The following IPO11 variants were observed in gnomAD, a reference collection of about 807,000 sequenced individuals.
The protein encoded by IPO11 is importin 11, also known as importin-11.
In IPO11, 66 loss-of-function variants were observed where a neutral mutation model predicts 143.2. The observed-to-expected ratio is 0.46, with a 90% confidence interval of 0.38 to 0.57. The LOEUF (loss-of-function observed/expected upper bound fraction) is 0.57, where lower values mean the gene tolerates loss of function less well. Among genes scored for constraint, IPO11 ranks in the 20% least tolerant of loss-of-function variants. The pLI is 0.00. For missense variants in IPO11, 1,026 were observed against 1,141.0 expected, an observed-to-expected ratio of 0.90 and a Z score of 1.45; for synonymous variants, 385 against 377.8, an observed-to-expected ratio of 1.02 and a Z score of -0.22.
At chr5:62,578,736 C>A (rs1354439593) in intron 27 of IPO11, 1 of 466,960 alleles carries the variant, frequency 2.1e-6, no homozygotes, top group Non-Finnish European at 4.4e-6. Context: ...CTGTTTTACA[C>A]ATTGACTGTA....
intron 24 of IPO11, among the ~76,000 whole-genome samples, chr5:62,542,966 A>G (rs1302562383): frequency 1.3e-5 from 2 of 152,206 alleles, no homozygotes; most frequent in Non-Finnish European, 2.9e-5. Context: ...CATTTAACAT[A>G]TGCTACATAT....
intron 20 of IPO11, among the ~76,000 whole-genome samples, chr5:62,521,643 G>A (rs995864811): frequency 3.3e-5 from 5 of 151,620 alleles, no homozygotes; most frequent in African/African-American, 7.3e-5. Context: ...CTTCCTCTTC[G>A]TATTTTTCTT....
At chr5:62,570,806 T>TAAA (rs1744108412) in intron 27 of IPO11, among the ~76,000 whole-genome samples, 1 of 152,230 alleles carries the variant, frequency 6.6e-6, no homozygotes, top group African/African-American at 2.4e-5. Flanking sequence ...TGCGCTTAGC[T>TAAA]AATCACTGAC....
intron 27 of IPO11, chr5:62,581,411 T>C (rs976693191): frequency 6.8e-6 from 6 of 888,110 alleles, no homozygotes; most frequent in African/African-American, 1.7e-5. Flanking sequence ...TAATGAATTA[T>C]ATGAGGTTAG....
In IPO11 at chr5:62,550,456, A is replaced by T. The variant is rs1319381696; in HGVS notation, c.2340A>T (p.Glu780Asp). ...ILPYVFKGIIEGERYPVVMST... is the reference protein window; with the variant it reads ...ILPYVFKGIIDGERYPVVMST... ...CCTATGTTTTCAAGGGTATTATAGAAGGGGAGGTAAGATTTTTCTTTAAGT... is the reference window on the plus strand; with the variant it reads ...CCTATGTTTTCAAGGGTATTATAGATGGGGAGGTAAGATTTTTCTTTAAGT... The change falls in exon 25 of 30, where the codon GAA becomes GAT. Residue 780 changes from glutamate to aspartate, a missense_variant. Physicochemically the swap from Glu to Asp is conservative, Grantham distance 45 (BLOSUM62 2). Coordinates refer to ENST00000325324, the MANE Select transcript of IPO11 (RefSeq NM_016338.5). 2 of 1,604,544 alleles carry T rather than the reference A, an allele frequency of 1.2e-6. No individual in the cohort carries two copies. The highest frequency in any genetic ancestry group is 1.7e-4 in the Middle Eastern group (1 of 5,862).
chr5:62,580,255 A>T, intron 27 of IPO11: 1 of 1,544,916 alleles, frequency 6.5e-7, no homozygotes, highest in East Asian at 2.4e-5. Context: ...GGATGGGTTT[A>T]GTGGAATTAA....
intron 26 of IPO11, among the ~76,000 whole-genome samples, chr5:62,551,985 G>A (rs13183063): frequency 1.3e-5 from 2 of 152,084 alleles, no homozygotes; most frequent in South Asian, 2.1e-4. Context: ...TTAGCCCGGC[G>A]CGGTTGCGGG....
At chr5:62,517,938 A>T (rs374196094) in intron 20 of IPO11, among the ~76,000 whole-genome samples, 4 of 152,184 alleles carry the variant, frequency 2.6e-5, no homozygotes, top group African/African-American at 9.7e-5. Flanking sequence ...TGGAGAAAGC[A>T]TATAACATAA....
At chr5:62,580,851 C>T in intron 27 of IPO11, 2 of 1,551,312 alleles carry the variant, frequency 1.3e-6, no homozygotes, top group Non-Finnish European at 1.7e-6. Context: ...AAGAGAATGC[C>T]TTTGGTAATC....
chr5:62,504,591 T>C, intron 16 of IPO11, 76 bp from the exon 17 acceptor site: 1 of 823,604 alleles, frequency 1.2e-6, no homozygotes, highest in Admixed American at 2.9e-5. Context: ...TGATTTGGAA[T>C]AAAATTTTTT....
chr5:62,437,279 C>T lies in IPO11; in HGVS notation c.-1C>T. ...TGTTAACTTATCATTGCCAGGTTTC[C>T]ATGGATCTCAATAGTGCCAGCACTG... On this transcript the variant is annotated 5_prime_UTR_variant, in exon 2 of 30. Coordinates refer to ENST00000325324, the MANE Select transcript of IPO11 (RefSeq NM_016338.5). 6.3e-7 allele frequency: 1 copy of T among 1,586,572 alleles called. No homozygotes were observed. Among genetic ancestry groups the T allele is most frequent in the Non-Finnish European group, 8.6e-7 (1 of 1,167,622 alleles).
intron 29 of IPO11, among the ~76,000 whole-genome samples, chr5:62,622,127 A>T (rs7717143): frequency 0.47 from 71,143 of 151,702 alleles, 16,881 homozygotes; most frequent in South Asian, 0.53. Flanking sequence ...ATACCTGTAG[A>T]TGTTTTATTG....
chr5:62,450,128 T>A, intron 4 of IPO11, 129 bp downstream of exon 4: 2 of 541,684 alleles, frequency 3.7e-6, no homozygotes, highest in Non-Finnish European at 6.2e-6. Flanking sequence ...GATGTTTTTA[T>A]CTATTTTTAA....
At chr5:62,577,426 G>A (rs1014364762) in intron 27 of IPO11, among the ~76,000 whole-genome samples, 4 of 152,012 alleles carry the variant, frequency 2.6e-5, no homozygotes, top group African/African-American at 9.7e-5. Context: ...TACTTTGTGG[G>A]TTTTTTCTCT....
At chr5:62,525,543 T>C (rs887239626) in intron 20 of IPO11, among the ~76,000 whole-genome samples, 1 of 152,124 alleles carries the variant, frequency 6.6e-6, no homozygotes, top group African/African-American at 2.4e-5. Context: ...ACCACCATGC[T>C]TGGCTAACTT....
intron 16 of IPO11, among the ~76,000 whole-genome samples, chr5:62,497,898 T>C (rs1054175475): frequency 5.3e-5 from 8 of 152,250 alleles, no homozygotes; most frequent in African/African-American, 1.9e-4. Context: ...CACTGAATAA[T>C]ACGTAGTTTT....
At chr5:62,458,140 C>CTA (rs1318660195) in intron 5 of IPO11, among the ~76,000 whole-genome samples, 4 of 127,840 alleles carry the variant, frequency 3.1e-5, no homozygotes, top group African/African-American at 6.0e-5. Flanking sequence ...GAGCGAGACT[C>CTA]TGTCTCAAAA....
chr5:62,545,795 A>T (rs1263274713), intron 24 of IPO11, among the ~76,000 whole-genome samples: 1 of 152,252 alleles, frequency 6.6e-6, no homozygotes, highest in East Asian at 1.9e-4. Flanking sequence ...AAGGATATGA[A>T]CAGACACTTC....
chr5:62,468,557 T>C (rs771287542), intron 6 of IPO11, among the ~76,000 whole-genome samples: 2 of 152,216 alleles, frequency 1.3e-5, no homozygotes, highest in East Asian at 1.9e-4. Context: ...TGGAGAGAAA[T>C]GTTTGCTCAG....
Sources: allele counts gnomAD v4.1 joint callset (sites outside exome capture counted in the v4.1 genomes callset), GRCh38; gene constraint gnomAD v4.1.1; transcripts MANE v1.5; gene names NCBI Gene and HGNC (gene_info 2026-07-23, HGNC 2026-07-21).